Variants in TTC28 observed in about 807,000 individuals in gnomAD.
The protein encoded by TTC28 is tetratricopeptide repeat protein 28.
TTC28 carries 61 observed loss-of-function variants against 198.0 expected under a neutral mutation model. The observed-to-expected ratio is 0.31, with a 90% CI of 0.25 to 0.38. The LOEUF is 0.38. Ranked by LOEUF, TTC28 falls within the 10% of genes least tolerant of loss-of-function variation. The probability of loss-of-function intolerance (pLI) is 1.00; values close to 1 mark genes in which losing one functional copy is unlikely to be tolerated. For synonymous variants in TTC28, 1,171 were observed against 1,297.8 expected (o/e 0.90, Z 2.10); for missense variants, 2,678 against 3,164.0 (o/e 0.85, Z 3.69).
At chr22:28,019,314 A>G (rs1938500605) in intron 13 of TTC28, among the ~76,000 whole-genome samples, 2 of 152,160 alleles carry the variant, frequency 1.3e-5, no homozygotes, top group South Asian at 4.1e-4. Context: ...AGAAAATGAA[A>G]AATCTCCTCT....
chr22:28,612,694 C>G (rs2050838876), intron 2 of TTC28, among the ~76,000 whole-genome samples: 1 of 152,192 alleles, frequency 6.6e-6, no homozygotes, highest in Admixed American at 6.5e-5. Flanking sequence ...CAAAACCACA[C>G]AACTACATGG....
intron 8 of TTC28, among the ~76,000 whole-genome samples, chr22:28,102,252 T>C (rs1182760867): frequency 6.6e-6 from 1 of 152,236 alleles, no homozygotes; most frequent in African/African-American, 2.4e-5. Flanking sequence ...CTGTTACTGA[T>C]GTTACTGACA....
At chr22:28,057,519 C>T (rs1940336596) in intron 12 of TTC28, among the ~76,000 whole-genome samples, 1 of 152,062 alleles carries the variant, frequency 6.6e-6, no homozygotes, top group Admixed American at 6.6e-5. Context: ...TTTACAAATG[C>T]TGGGTACCAG....
At chr22:28,098,189 C>G (rs1362562268) in intron 10 of TTC28, among the ~76,000 whole-genome samples, 8 of 152,198 alleles carry the variant, frequency 5.3e-5, no homozygotes, top group Non-Finnish European at 1.2e-4. Context: ...CTGACTATGC[C>G]ACAGCCTAGG....
At chr22:28,142,247 C>T (rs570151667) in intron 6 of TTC28, among the ~76,000 whole-genome samples, 23 of 152,186 alleles carry the variant, frequency 1.5e-4, no homozygotes, top group Non-Finnish European at 3.2e-4. Context: ...GTATGTCTTT[C>T]ACATAGCAAA....
chr22:27,998,077 G>A (rs1937582841), intron 16 of TTC28: 1 of 188,936 alleles, frequency 5.3e-6, no homozygotes, highest in East Asian at 1.3e-4. Context: ...TACAGATCCT[G>A]TCAAATGTGG....
At chr22:28,293,575 A>G (rs1457024570) in intron 5 of TTC28, among the ~76,000 whole-genome samples, 1 of 152,148 alleles carries the variant, frequency 6.6e-6, no homozygotes, top group Non-Finnish European at 1.5e-5. Flanking sequence ...TACAGTTAAT[A>G]AATCATATTG....
At chr22:28,136,507 G>A (rs1182185217) in intron 6 of TTC28, among the ~76,000 whole-genome samples, 2 of 152,148 alleles carry the variant, frequency 1.3e-5, no homozygotes, top group Non-Finnish European at 2.9e-5. Flanking sequence ...TATAGTTCAT[G>A]AATTGGCACT....
intron 2 of TTC28, among the ~76,000 whole-genome samples, chr22:28,312,979 A>G (rs111553513): frequency 0.11 from 16,092 of 152,226 alleles, 1,054 homozygotes; most frequent in South Asian, 0.25. Flanking sequence ...AAAAATAAAC[A>G]AGAAAAAAGA....
chr22:28,156,556 AAG>A (rs1943753045), intron 6 of TTC28, among the ~76,000 whole-genome samples: 1 of 152,246 alleles, frequency 6.6e-6, no homozygotes, highest in South Asian at 2.1e-4. Flanking sequence ...GGCAGATGGC[AAG>A]AGGAGTGGGG....
In TTC28 at chr22:28,327,994, C is replaced by T. The variant is rs146724683; in HGVS notation, c.382-21351G>A. On this transcript the variant is annotated intron_variant, in intron 2 of 22. Transcript: ENST00000397906. ...CAAGAGAGAAAAGATAAACATGGTC[C>T]CTTGTCTACCTTAAAGCTCAATATC... is the stretch of plus-strand genomic sequence containing the variant. Among the ~76,000 whole-genome samples the T allele has an allele frequency of 3.9e-5, 6 of 152,246 alleles. No individual in the cohort carries two copies. In the South Asian group the frequency reaches 6.2e-4, roughly 16 times the overall value.
intron 2 of TTC28, among the ~76,000 whole-genome samples, chr22:28,350,648 G>A (rs774796510): frequency 3.9e-5 from 6 of 152,066 alleles, no homozygotes; most frequent in Non-Finnish European, 5.9e-5. Context: ...CGGCATGCAC[G>A]CACACGCACA....
At chr22:28,183,166 C>G (rs1173497258) in intron 5 of TTC28, among the ~76,000 whole-genome samples, 1 of 151,840 alleles carries the variant, frequency 6.6e-6, no homozygotes, top group Non-Finnish European at 1.5e-5. Context: ...TCAAGTGGTT[C>G]CCCCCACCTC....
At chr22:28,059,883 A>G (rs1940443867) in intron 12 of TTC28, among the ~76,000 whole-genome samples, 1 of 138,696 alleles carries the variant, frequency 7.2e-6, no homozygotes, top group African/African-American at 2.6e-5. Context: ...AGCCACCTGT[A>G]TGATTACCGT....
Position 27,998,911 on chromosome 22 carries a change from A to G in TTC28, c.4748T>C (p.Leu1583Ser). 6.4e-7 allele frequency: 1 copy of G among 1,550,662 alleles called. No homozygotes were observed. Among genetic ancestry groups the G allele is most frequent in the Non-Finnish European group, 8.7e-7 (1 of 1,146,980 alleles). Residue 1583 changes from leucine (L) to serine (S), a missense_variant, in exon 16 of 23, where the codon TTG becomes TCG. Physicochemically the swap from Leu to Ser is moderately radical, Grantham distance 145. Transcript: ENST00000397906. ...FGHPYTIPESLRVQDDASDGE... is the reference protein window; with the variant it reads ...FGHPYTIPESSRVQDDASDGE... ...ATCACTGGCATCGTCCTGCACCCGC[A>G]AGGACTCAGGGATCGTGTAGGGGTG...
At chr22:28,372,367 T>A (rs1407177893) in intron 2 of TTC28, among the ~76,000 whole-genome samples, 1 of 152,186 alleles carries the variant, frequency 6.6e-6, no homozygotes, top group Non-Finnish European at 1.5e-5. Flanking sequence ...GCCACGCACA[T>A]AATTACAGAA....
intron 6 of TTC28, among the ~76,000 whole-genome samples, chr22:28,136,254 C>A (rs567601021): frequency 6.6e-6 from 1 of 152,146 alleles, no homozygotes; most frequent in Non-Finnish European, 1.5e-5. Context: ...AAGCAATCCT[C>A]CCACCTCAGC....
At chr22:28,183,522 C>T (rs377592253) in intron 5 of TTC28, among the ~76,000 whole-genome samples, 2 of 152,144 alleles carry the variant, frequency 1.3e-5, no homozygotes, top group East Asian at 3.9e-4. Flanking sequence ...AGGCCATTTC[C>T]CTGTCACCTC....
intron 2 of TTC28, among the ~76,000 whole-genome samples, chr22:28,489,648 T>C (rs991505550): frequency 1.1e-4 from 17 of 152,078 alleles, no homozygotes; most frequent in Admixed American, 1.3e-4. Context: ...TAGCTAGGTA[T>C]GGTGGTGCAT....
Sources: allele counts gnomAD v4.1 joint callset (sites outside exome capture counted in the v4.1 genomes callset), GRCh38; gene constraint gnomAD v4.1.1; transcripts MANE v1.5; gene names NCBI Gene and HGNC (gene_info 2026-07-23, HGNC 2026-07-21).